Variants in SNAPC1 observed in about 807,000 individuals in gnomAD.
SNAPC1 encodes the protein snRNA-activating protein complex subunit 1.
A neutral mutation model predicts 50.1 loss-of-function variants in SNAPC1; 42 were observed. The observed-to-expected ratio is 0.84, with a 90% CI of 0.65 to 1.08. SNAPC1 has a LOEUF of 1.08. SNAPC1 is among the 50% of genes least tolerant of loss of function. The probability of loss-of-function intolerance (pLI) is 0.00; values close to 1 mark genes in which losing one functional copy is unlikely to be tolerated. For synonymous variants in SNAPC1, 164 were observed against 144.2 expected (o/e 1.14, Z -0.98); for missense variants, 477 against 427.3 (o/e 1.12, Z -1.02).
At chr14:61,788,489 AAATG>A (rs1321185294) in intron 8 of SNAPC1, among the ~76,000 whole-genome samples, 3 of 152,246 alleles carry the variant, frequency 2.0e-5, no homozygotes, top group Non-Finnish European at 4.4e-5. Context: ...GAGCTTTTAT[AAATG>A]AATAAGAAAA....
chr14:61,792,064 C>T (rs1037594633), intron 8 of SNAPC1, among the ~76,000 whole-genome samples: 4 of 149,692 alleles, frequency 2.7e-5, no homozygotes, highest in African/African-American at 9.9e-5. Flanking sequence ...GATCGCGCCA[C>T]TGCACTGCAG....
Position 61,776,263 on chromosome 14 carries a change from C to G in SNAPC1, c.693+10C>G. On this transcript the variant is annotated intron_variant, in intron 5 of 9. Coordinates refer to ENST00000216294, the MANE Select transcript of SNAPC1 (RefSeq NM_003082.4). ...GCACAAAGACAGAAAGGTATGCAATCACTTGTTTGGTGCCTCACCATTGTA... is the reference window on the plus strand; with the variant it reads ...GCACAAAGACAGAAAGGTATGCAATGACTTGTTTGGTGCCTCACCATTGTA... 2 of 1,606,046 alleles carry G rather than the reference C, an allele frequency of 1.2e-6. No homozygotes were observed. The highest frequency in any genetic ancestry group is 1.7e-6 in the Non-Finnish European group (2 of 1,175,026).
At chr14:61,790,271 A>G (rs1000420749) in intron 8 of SNAPC1, among the ~76,000 whole-genome samples, 2 of 152,226 alleles carry the variant, frequency 1.3e-5, no homozygotes, top group Non-Finnish European at 2.9e-5. Context: ...CGAATATAAC[A>G]TGCATGTTGA....
chr14:61,791,920 C>CT (rs755219203), intron 8 of SNAPC1, among the ~76,000 whole-genome samples: 236 of 151,732 alleles, frequency 1.6e-3, no homozygotes, highest in Non-Finnish European at 2.3e-3. Context: ...GTTCTTATGT[C>CT]TTTTTAAAAA....
At chr14:61,770,815 A>G (rs886586596) in intron 4 of SNAPC1, among the ~76,000 whole-genome samples, 3 of 151,698 alleles carry the variant, frequency 2.0e-5, no homozygotes, top group Non-Finnish European at 4.4e-5. Context: ...GCTCACTGCA[A>G]CCTGCAACCT....
intron 7 of SNAPC1, 94 bp from the exon 8 acceptor site, chr14:61,782,153 T>C (rs2045079720): frequency 1.0e-6 from 1 of 979,616 alleles, no homozygotes; most frequent in African/African-American, 1.6e-5. Flanking sequence ...TGTAAATCTT[T>C]CCTCATCTTT....
rs368193722 is a variant in SNAPC1, at chr14:61,794,954, A to T, written c.1078A>T (p.Thr360Ser). 1 of 1,583,114 alleles carries T rather than the reference A, an allele frequency of 6.3e-7. No homozygotes were observed. Among genetic ancestry groups the T allele is most frequent in the South Asian group, 1.2e-5 (1 of 85,774 alleles). Residue 360 changes from threonine (T) to serine (S), a missense_variant, in exon 10 of 10, where the codon ACT becomes TCT. Coordinates refer to ENST00000216294, the MANE Select transcript of SNAPC1 (RefSeq NM_003082.4). ...ENESLSGTEF[T>S]ASKKRRKH is the part of the protein sequence containing the mutation. ...TTTAAACTTTATGTCTTTAGAGTTC[A>T]CTGCATCCAAGAAGAGGAGAAAACA... is the stretch of plus-strand genomic sequence containing the variant.
At chr14:61,780,190 G>A (rs1199298978) in intron 7 of SNAPC1, among the ~76,000 whole-genome samples, 1 of 152,178 alleles carries the variant, frequency 6.6e-6, no homozygotes, top group Non-Finnish European at 1.5e-5. Context: ...AAGCCCAGCT[G>A]CCAATGTTTT....
chr14:61,773,470 C>T (rs187587180), intron 4 of SNAPC1, among the ~76,000 whole-genome samples: 1,744 of 142,960 alleles, frequency 0.012, 18 homozygotes, highest in Non-Finnish European at 0.018. Flanking sequence ...TCTTGGCTCA[C>T]TGCAAGCTCT....
intron 4 of SNAPC1, among the ~76,000 whole-genome samples, chr14:61,775,305 T>C (rs76370769): frequency 0.014 from 2,115 of 151,636 alleles, 26 homozygotes; most frequent in Middle Eastern, 0.031. Flanking sequence ...CCTGCTGGAG[T>C]GCGGTGGTGG....
rs572507861 is a variant in SNAPC1 at position 61,768,570 on chromosome 14, A to G, written c.430-66A>G. On this transcript the variant is annotated intron_variant, in intron 3 of 9. Transcript: ENST00000216294. ...TAGACAATTTTTAGTGCTGGCTTAT[A>G]TTTCAATACTTTTAACAATACTGTT... is the stretch of plus-strand genomic sequence containing the variant. 5.7e-6 allele frequency: 5 copies of G among 880,440 alleles called. No homozygotes were observed. In the East Asian group the frequency reaches 1.2e-4, roughly 22 times the overall value. 54.5% of individuals were successfully genotyped at this position (880,440 alleles called of 1,614,324 possible).
intron 8 of SNAPC1, among the ~76,000 whole-genome samples, chr14:61,791,474 A>G (rs1358155622): frequency 6.6e-6 from 1 of 152,192 alleles, no homozygotes; most frequent in Non-Finnish European, 1.5e-5. Flanking sequence ...CTGTATCCTT[A>G]ACATAATTTA....
intron 3 of SNAPC1, among the ~76,000 whole-genome samples, 194 bp downstream of exon 3, chr14:61,767,546 C>G (rs936957414): frequency 6.6e-6 from 1 of 151,874 alleles, no homozygotes; most frequent in Non-Finnish European, 1.5e-5. Flanking sequence ...TGACTGCAAC[C>G]TCCGCCTCCC....
chr14:61,792,365 A>G (rs1409050977), intron 8 of SNAPC1, among the ~76,000 whole-genome samples: 1 of 152,226 alleles, frequency 6.6e-6, no homozygotes, highest in Non-Finnish European at 1.5e-5. Flanking sequence ...AGAGGAATAT[A>G]TCTTGTAGAG....
intron 7 of SNAPC1, among the ~76,000 whole-genome samples, chr14:61,780,930 TC>T (rs2045067475): frequency 6.6e-6 from 1 of 152,234 alleles, no homozygotes; most frequent in African/African-American, 2.4e-5. Context: ...TGGACTTTTT[TC>T]CTTGCCATTA....
At chr14:61,791,343 GCTAT>G (rs2045151077) in intron 8 of SNAPC1, among the ~76,000 whole-genome samples, 2 of 151,846 alleles carry the variant, frequency 1.3e-5, no homozygotes, top group African/African-American at 4.8e-5. Flanking sequence ...ATTATTTTTT[GCTAT>G]CTTTCTCAAA....
chr14:61,775,664 C>T (rs760466919), intron 4 of SNAPC1, among the ~76,000 whole-genome samples: 1 of 152,168 alleles, frequency 6.6e-6, no homozygotes, highest in African/African-American at 2.4e-5. Context: ...AGAGTCGTTA[C>T]ATAGGAATTT....
rs760185177 is a variant in SNAPC1, at chr14:61,790,077, G to T, written c.977-2730G>T. On this transcript the variant is annotated intron_variant, in intron 8 of 9. Coordinates refer to ENST00000216294, the MANE Select transcript of SNAPC1 (RefSeq NM_003082.4). ...TGTCTGAGCACCTGGGAGGATATTTGTGTCCTTGCTGGAGAAATACAATGA... is the reference window on the plus strand; with the variant it reads ...TGTCTGAGCACCTGGGAGGATATTTTTGTCCTTGCTGGAGAAATACAATGA... Among the ~76,000 whole-genome samples the T allele has an allele frequency of 4.6e-5, 7 of 152,188 alleles. No homozygotes were observed. In the South Asian group the frequency reaches 8.3e-4, roughly 18 times the overall value.
chr14:61,791,777 A>G (rs2045153819), intron 8 of SNAPC1, among the ~76,000 whole-genome samples: 1 of 152,096 alleles, frequency 6.6e-6, no homozygotes, highest in Admixed American at 6.6e-5. Flanking sequence ...TAAGCCTGGG[A>G]GGCGGAGGTT....
Sources: allele counts gnomAD v4.1 joint callset (sites outside exome capture counted in the v4.1 genomes callset), GRCh38; gene constraint gnomAD v4.1.1; transcripts MANE v1.5; gene names NCBI Gene and HGNC (gene_info 2026-07-23, HGNC 2026-07-21).